Variants in SLC39A6 observed in about 807,000 individuals in gnomAD.
SLC39A6 encodes solute carrier family 39 member 6.
A neutral mutation model predicts 63.5 loss-of-function variants in SLC39A6; 51 were observed. The ratio of observed to expected loss-of-function variants is 0.80; its 90% CI spans 0.64 to 1.01. The LOEUF (loss-of-function observed/expected upper bound fraction) is 1.01, where lower values mean the gene tolerates loss of function less well. Among genes scored for constraint, SLC39A6 ranks in the 50% least tolerant of loss-of-function variants. SLC39A6 has a pLI of 0.00. For missense variants in SLC39A6, 805 were observed against 927.8 expected (o/e 0.87, Z 1.72); for synonymous variants, 318 against 324.7 (o/e 0.98, Z 0.22).
Position 36,126,875 on chromosome 18 carries a change from T to C in SLC39A6, c.133A>G (p.Asn45Asp). The change falls in exon 2 of 10, where the codon AAT becomes GAT. Residue 45 changes from asparagine (N) to aspartate (D), a missense_variant. Transcript: ENST00000269187. ...KISPNWESGI[N>D]VDLAISTRQY... ...CGTGTGGAAATTGCCAAGTCAACATTAATGCCAGATTCCCAATTCGGACTA... is the reference window on the plus strand; with the variant it reads ...CGTGTGGAAATTGCCAAGTCAACATCAATGCCAGATTCCCAATTCGGACTA... 1 of 1,614,234 alleles carries C rather than the reference T, an allele frequency of 6.2e-7. No homozygotes were observed. Among genetic ancestry groups the C allele is most frequent in the African/African-American group, 1.3e-5 (1 of 75,066 alleles).
chr18:36,115,821 G>A lies in SLC39A6; in HGVS notation c.1465+853C>T, dbSNP rs1598707134. Among the ~76,000 whole-genome samples the A allele has an allele frequency of 3.3e-5, 5 of 152,234 alleles. 1 individual carries two copies. Among genetic ancestry groups the A allele is most frequent in the Admixed American group, 3.3e-4 (5 of 15,292 alleles). ...ACATGAATCTTAACTCAGTCTGTCC[G>A]ACAAGATATGCCAAGCAAACAGCCA... On this transcript the variant is annotated intron_variant, in intron 6 of 9. Coordinates refer to ENST00000269187, the MANE Select transcript of SLC39A6 (RefSeq NM_012319.4).
chr18:36,112,455 G>T, intron 8 of SLC39A6, 46 bp downstream of exon 8: 1 of 1,401,314 alleles, frequency 7.1e-7, no homozygotes, highest in Non-Finnish European at 1.0e-6. Context: ...AGTGACACTA[G>T]AACATTTCAC....
chr18:36,115,546 T>C (rs1417105201), intron 6 of SLC39A6, among the ~76,000 whole-genome samples: 1 of 152,046 alleles, frequency 6.6e-6, no homozygotes, highest in Non-Finnish European at 1.5e-5. Context: ...CTGCTGTCGT[T>C]GGGTGCTGAG....
At chr18:36,123,208 T>C (rs1598711655) in intron 4 of SLC39A6, among the ~76,000 whole-genome samples, 1 of 152,220 alleles carries the variant, frequency 6.6e-6, no homozygotes, top group South Asian at 2.1e-4. Context: ...ATAACTCACA[T>C]TGCTGCAGTC....
At chr18:36,122,892 T>C (rs1480076896) in intron 4 of SLC39A6, among the ~76,000 whole-genome samples, 1 of 152,234 alleles carries the variant, frequency 6.6e-6, no homozygotes, top group Non-Finnish European at 1.5e-5. Flanking sequence ...TAGTTTTCTT[T>C]AACTACTGAA....
At chr18:36,114,040 T>C in intron 7 of SLC39A6, 57 bp downstream of exon 7, 3 of 1,516,412 alleles carry the variant, frequency 2.0e-6, no homozygotes, top group Non-Finnish European at 2.6e-6. Flanking sequence ...TTTGACTAGG[T>C]GTTTAATGTG....
chr18:36,126,002 G>A lies in SLC39A6; in HGVS notation c.789+217C>T, dbSNP rs190676314. 1.8e-3 allele frequency among the ~76,000 whole-genome samples: 273 copies of A among 152,286 alleles called. 1 individual carries two copies. The highest frequency in any genetic ancestry group is 6.2e-3 in the African/African-American group (258 of 41,546). On this transcript the variant is annotated intron_variant, in intron 2 of 9. Coordinates refer to ENST00000269187, the MANE Select transcript of SLC39A6 (RefSeq NM_012319.4). Reference sequence around the variant, plus strand: ...AAAAAATTGTAGGAGGCAGCACTACGCTCACCAAAAGAACTGTTCCCTAAG... The same window carrying A: ...AAAAAATTGTAGGAGGCAGCACTACACTCACCAAAAGAACTGTTCCCTAAG...
intron 5 of SLC39A6, among the ~76,000 whole-genome samples, chr18:36,117,507 A>G (rs1472944594): frequency 6.6e-6 from 1 of 152,176 alleles, no homozygotes; most frequent in Admixed American, 6.5e-5. Context: ...TACCAGAGAT[A>G]TTGTCCCTAA....
chr18:36,113,110 T>C (rs79395956), intron 7 of SLC39A6, among the ~76,000 whole-genome samples: 1 of 152,070 alleles, frequency 6.6e-6, no homozygotes, highest in East Asian at 1.9e-4. Context: ...TTTTTTTTTT[T>C]CAGAGACAGG....
At chr18:36,119,889 G>T (rs1368904098) in intron 5 of SLC39A6, among the ~76,000 whole-genome samples, 1 of 150,748 alleles carries the variant, frequency 6.6e-6, no homozygotes, top group African/African-American at 2.5e-5. Flanking sequence ...CTTAAAAAAA[G>T]ATACTGTTTT....
In SLC39A6 at chr18:36,126,344, T is replaced by A; in HGVS notation, c.664A>T (p.Thr222Ser). ...CTCTTTGATGTGACACTGGGTGGAG[T>A]GGAGCTGCTTACATCTTTGGGGAAG... Reference protein sequence around the residue: ...KLFPKDVSSSTPPSVTSKSRV... With the variant: ...KLFPKDVSSSSPPSVTSKSRV... Residue 222 changes from threonine (T) to serine (S), a missense_variant, in exon 2 of 10, where the codon ACT becomes TCT. Around this residue, in one of 4 missense-constraint regions of SLC39A6, gnomAD observed 639 missense variants for 644.0 expected, o/e 0.99. Transcript: ENST00000269187. 1 of 1,614,042 alleles carries A rather than the reference T, an allele frequency of 6.2e-7. No homozygotes were observed. Among genetic ancestry groups the A allele is most frequent in the Non-Finnish European group, 8.5e-7 (1 of 1,179,972 alleles).
chr18:36,126,589 T>C lies in SLC39A6; in HGVS notation c.419A>G (p.Asn140Ser). 1.2e-6 allele frequency: 2 copies of C among 1,614,200 alleles called. No individual in the cohort carries two copies. ...GTCTGGGCAAAGAGCTTTTCGCTTA[T>C]TTTTACCAGAAGCAGCATGATTATG... The part of the protein sequence containing the change: ...SHHNHAASGK[N>S]KRKALCPDHD... The change falls in exon 2 of 10, where the codon AAT becomes AGT. Residue 140 changes from asparagine to serine, a missense_variant. Transcript: ENST00000269187.
intron 5 of SLC39A6, 67 bp from the exon 6 acceptor site, chr18:36,116,846 T>TC (rs1166490866): frequency 8.8e-7 from 1 of 1,134,106 alleles, no homozygotes; most frequent in African/African-American, 1.5e-5. Context: ...TTTCAATCAA[T>TC]AACCAGGTAA....
chr18:36,116,683 T>C lies in SLC39A6; in HGVS notation c.1456A>G (p.Thr486Ala), dbSNP rs2089347870. Residue 486 changes from threonine to alanine, a missense_variant, in exon 6 of 10, where the codon ACA becomes GCA. This residue lies in a region of SLC39A6 where 639 missense variants were observed against 644.0 expected (regional missense o/e 0.99). Coordinates refer to ENST00000269187, the MANE Select transcript of SLC39A6 (RefSeq NM_012319.4). The part of the protein sequence containing the change: ...QLSTNEEKVD[T>A]DDRTEGYLRA... ...ATGCATAAGAACTTACGATCATCTG[T>C]ATCTACTTTCTCCTCATTTGTTGAA... 2.5e-6 allele frequency: 4 copies of C among 1,605,980 alleles called. No individual in the cohort carries two copies. The East Asian group carries it at 8.9e-5, about 36-fold the overall frequency.
At chr18:36,111,329 T>G in intron 8 of SLC39A6, 80 bp from the exon 9 acceptor site, 3 of 1,414,556 alleles carry the variant, frequency 2.1e-6, no homozygotes, top group Non-Finnish European at 2.9e-6. Flanking sequence ...TTCCCAGATT[T>G]AAGAAAATTT....
At chr18:36,126,166 G>T in intron 2 of SLC39A6, 53 bp downstream of exon 2, 1 of 1,473,396 alleles carries the variant, frequency 6.8e-7, no homozygotes, top group South Asian at 1.2e-5. Context: ...TAGAGTAGCA[G>T]AGACAGGACA....
chr18:36,121,992 A>T, intron 5 of SLC39A6, 60 bp downstream of exon 5: 1 of 1,223,872 alleles, frequency 8.2e-7, no homozygotes, highest in Non-Finnish European at 1.2e-6. Flanking sequence ...CAATCTAGTT[A>T]GAGTACTACT....
intron 9 of SLC39A6, 120 bp from the exon 10 acceptor site, chr18:36,109,865 G>C (rs1191502696): frequency 6.9e-6 from 5 of 725,284 alleles, no homozygotes; most frequent in Non-Finnish European, 1.2e-5. Flanking sequence ...TATACTGTGA[G>C]TTAATTCCTT....
In SLC39A6 at chr18:36,109,585, A is replaced by C; in HGVS notation, c.*8T>G. 1 of 1,600,370 alleles carries C rather than the reference A, an allele frequency of 6.2e-7. No individual in the cohort carries two copies. Among genetic ancestry groups the C allele is most frequent in the Non-Finnish European group, 8.6e-7 (1 of 1,169,564 alleles). ...ACTTTTTAAGCTACTCTAGCATTTAAACCTTAACTAGAAATTTATACGAAA... is the reference window on the plus strand; with the variant it reads ...ACTTTTTAAGCTACTCTAGCATTTACACCTTAACTAGAAATTTATACGAAA... On this transcript the variant is annotated 3_prime_UTR_variant, in exon 10 of 10. Coordinates refer to ENST00000269187, the MANE Select transcript of SLC39A6 (RefSeq NM_012319.4).
Sources: allele counts gnomAD v4.1 joint callset (sites outside exome capture counted in the v4.1 genomes callset), GRCh38; gene constraint gnomAD v4.1.1; regional missense constraint gnomAD v4.1.1; transcripts MANE v1.5; gene names NCBI Gene and HGNC (gene_info 2026-07-23, HGNC 2026-07-21).